Variants in HECTD4 observed in about 807,000 individuals in gnomAD.
The protein encoded by HECTD4 is probable E3 ubiquitin-protein ligase HECTD4.
Under a neutral mutation model 471.5 loss-of-function variants are expected in HECTD4, and 114 were observed. That is an observed-to-expected ratio of 0.24 (90% CI 0.21 to 0.28). The LOEUF (loss-of-function observed/expected upper bound fraction) is 0.28, where lower values mean the gene tolerates loss of function less well. Among genes scored for constraint, HECTD4 ranks in the 10% least tolerant of loss-of-function variants. The pLI, the probability that HECTD4 is intolerant of heterozygous loss-of-function variation, is 1.00. For missense variants in HECTD4, 3,866 were observed against 5,651.5 expected, an observed-to-expected ratio of 0.68 and a Z score of 10.13; for synonymous variants, 2,012 against 2,256.0, an observed-to-expected ratio of 0.89 and a Z score of 3.07.
At chr12:112,261,496 T>A (rs2034143626) in intron 17 of HECTD4, 67 bp from the exon 18 acceptor site, 2 of 1,401,710 alleles carry the variant, frequency 1.4e-6, no homozygotes, top group Non-Finnish European at 2.0e-6. Context: ...AATGACAACA[T>A]GAAATGATGT....
At chr12:112,267,542 C>T (rs1172488011) in intron 13 of HECTD4, 1 of 153,222 alleles carries the variant, frequency 6.5e-6, no homozygotes, top group Non-Finnish European at 1.5e-5. Flanking sequence ...CAATCACTTC[C>T]CTGATAAGTG....
intron 9 of HECTD4, among the ~76,000 whole-genome samples, chr12:112,278,925 C>T (rs2034580733): frequency 6.6e-6 from 1 of 152,142 alleles, no homozygotes; most frequent in Non-Finnish European, 1.5e-5. Flanking sequence ...GTGAGTAGAG[C>T]TCTTGCTGTA....
At chr12:112,217,304 C>T (rs2032946446) in intron 45 of HECTD4, 109 bp from the exon 46 acceptor site, 1 of 592,282 alleles carries the variant, frequency 1.7e-6, no homozygotes, top group Non-Finnish European at 2.7e-6. Context: ...TAGGCATACA[C>T]ACACACACAC....
At chr12:112,303,030 G>A (rs376467983) in intron 7 of HECTD4, among the ~76,000 whole-genome samples, 1 of 148,768 alleles carries the variant, frequency 6.7e-6, no homozygotes, top group African/African-American at 2.5e-5. Flanking sequence ...GAATTCTGTG[G>A]ACAGGGTTGA....
chr12:112,185,334 A>C lies in HECTD4; in HGVS notation c.9632T>G (p.Met3211Arg). ...GAGCTCCGACTGCAAGGCCATCAGC[A>C]TGGCCAGGCAGGGGTTCAGCTGGAG... ...IALQLNPCLA[M>R]LMALQSELHK... Residue 3211 changes from methionine to arginine, a missense_variant, in exon 61 of 76, where the codon ATG (methionine) becomes AGG (arginine). Coordinates refer to ENST00000682272, the MANE Select transcript of HECTD4 (RefSeq NM_001388303.1). The C allele has an allele frequency of 3.8e-6, 6 of 1,593,654 alleles. No individual in the cohort carries two copies. The highest frequency in any genetic ancestry group is 5.1e-6 in the Non-Finnish European group (6 of 1,170,222).
Position 112,175,867 on chromosome 12 carries a change from A to G in HECTD4, c.11471-8T>C, listed in dbSNP as rs761183233. On this transcript the variant is annotated splice_polypyrimidine_tract_variant and splice_region_variant and intron_variant, in intron 65 of 75. Transcript: ENST00000682272. ...GGTATTTTTCCTCAGGGACTGGTGG[A>G]AAGGGTTCAGTGTGAGGAATCTGGT... The G allele has an allele frequency of 1.9e-6, 3 of 1,613,024 alleles. No individual in the cohort carries two copies. In the South Asian group the frequency reaches 3.3e-5, roughly 18 times the overall value.
chr12:112,201,243 C>A (rs1566070282), intron 54 of HECTD4: 1 of 325,966 alleles, frequency 3.1e-6, no homozygotes, highest in East Asian at 1.0e-4. Flanking sequence ...AGGCACCCAC[C>A]ACTGTGCCCA....
Position 112,382,411 on chromosome 12 carries a change from C to T in HECTD4, c.-283G>A. The T allele has an allele frequency of 6.6e-6, 2 of 301,746 alleles. No homozygotes were observed. Among genetic ancestry groups the T allele is most frequent in the South Asian group, 6.7e-5 (1 of 15,030 alleles). 18.7% of individuals were successfully genotyped at this position (301,746 alleles called of 1,614,324 possible). On this transcript the variant is annotated 5_prime_UTR_variant, in exon 1 of 76. Coordinates refer to ENST00000682272, the MANE Select transcript of HECTD4 (RefSeq NM_001388303.1). The stretch of plus-strand genomic sequence containing the variant: ...GCTCGGCAACCAACTGTCAGTGAGA[C>T]GCCATGTTGGGGGCGGGGCTCCCGG...
intron 1 of HECTD4, among the ~76,000 whole-genome samples, chr12:112,366,255 C>G (rs751881110): frequency 2.4e-4 from 36 of 152,116 alleles, no homozygotes; most frequent in African/African-American, 8.0e-4. Flanking sequence ...CACATCTAAT[C>G]CCAGCACTTT....
intron 64 of HECTD4, 71 bp downstream of exon 64, chr12:112,178,860 A>G (rs956848273): frequency 6.7e-7 from 1 of 1,496,330 alleles, no homozygotes; most frequent in East Asian, 2.3e-5. Context: ...GCCGCCCCTC[A>G]GGCTCCTGCT....
At chr12:112,237,170 G>A (rs1331730590) in intron 34 of HECTD4, 72 bp from the exon 35 acceptor site, 6 of 1,367,038 alleles carry the variant, frequency 4.4e-6, no homozygotes, top group Admixed American at 2.4e-5. Flanking sequence ...TGAGGGGGCG[G>A]CGAGCCCTGT....
Position 112,319,079 on chromosome 12 carries a change from C to A in HECTD4, c.695+146G>T. 1 of 889,674 alleles carries A rather than the reference C, an allele frequency of 1.1e-6. No individual in the cohort carries two copies. The highest frequency in any genetic ancestry group is 1.7e-5 in the African/African-American group (1 of 59,360). The allele number at this position is 889,674 out of a possible 1,614,324, so 55.1% of individuals were successfully genotyped here. A position where few individuals can be genotyped will look rare whatever the true frequency, so the allele number is the denominator to read the frequency against. Reference sequence around the variant, plus strand: ...TTGGTGAAAGCATCTCATGCACTGTCAAGGCTGTGAAATTCAATACTGAAA... The same window carrying A: ...TTGGTGAAAGCATCTCATGCACTGTAAAGGCTGTGAAATTCAATACTGAAA... On this transcript the variant is annotated intron_variant, in intron 2 of 75. Coordinates refer to ENST00000682272, the MANE Select transcript of HECTD4 (RefSeq NM_001388303.1). This position sits in a 1 kb window ranked among gnomAD's most constrained non-coding sequence, Gnocchi z 5.3.
rs374450651 is a variant in HECTD4, at chr12:112,222,820, C to T, written c.6971-3331G>A. Among the ~76,000 whole-genome samples, 10 of 152,108 alleles carry T rather than the reference C, an allele frequency of 6.6e-5. No individual in the cohort carries two copies. The South Asian group carries it at 1.0e-3, about 16-fold the overall frequency. ...CTGCACTCCAGCCTGGGTGACAGAGCGAAACCCTGTCTCAAAAAACAAAAA... is the reference window on the plus strand; with the variant it reads ...CTGCACTCCAGCCTGGGTGACAGAGTGAAACCCTGTCTCAAAAAACAAAAA... On this transcript the variant is annotated intron_variant, in intron 44 of 75. Transcript: ENST00000682272.
chr12:112,300,013 C>T (rs1294854670), intron 7 of HECTD4, among the ~76,000 whole-genome samples: 1 of 152,052 alleles, frequency 6.6e-6, no homozygotes, highest in South Asian at 2.1e-4. Flanking sequence ...GGACACTGAA[C>T]TATTAAAAAG....
chr12:112,327,495 G>A (rs2135711635), intron 1 of HECTD4, among the ~76,000 whole-genome samples: 1 of 152,200 alleles, frequency 6.6e-6, no homozygotes, highest in East Asian at 1.9e-4. Flanking sequence ...TTAGGAGTCT[G>A]TAAAACACAC....
chr12:112,167,649 A>T (rs889095179), intron 71 of HECTD4, 111 bp from the exon 72 acceptor site: 37 of 1,044,598 alleles, frequency 3.5e-5, no homozygotes, highest in Non-Finnish European at 5.2e-5. Context: ...AAGTCACTGC[A>T]AGCTCCCAGA....
Position 112,231,618 on chromosome 12 carries a change from G to A in HECTD4, c.6095C>T (p.Pro2032Leu). The A allele has an allele frequency of 6.2e-7, 1 of 1,613,982 alleles. No individual in the cohort carries two copies. The highest frequency in any genetic ancestry group is 8.5e-7 in the Non-Finnish European group (1 of 1,179,882). The change falls in exon 39 of 76, where the codon CCT becomes CTT. Residue 2032 changes from proline to leucine, a missense_variant. By Grantham distance (98) the Pro-to-Leu change is moderately conservative. Around this residue, in one of 16 missense-constraint regions of HECTD4, gnomAD observed 617 missense variants for 915.1 expected, o/e 0.67. Coordinates refer to ENST00000682272, the MANE Select transcript of HECTD4 (RefSeq NM_001388303.1). The part of the protein sequence containing the change: ...QSGLIVSIGP[P>L]VESINPETVS... ...AGTCTCTGGGTTGATAGACTCTACA[G>A]GTGGCCCAATGCTGACGATGAGGCC...
At position 112,382,157 on chromosome 12, in the gene HECTD4, A is replaced by T. The variant is rs1280459240; in HGVS notation, c.-29T>A. ...CCCGGCTGAAGGCTTGGCGCTGAGG[A>T]GCAGACGCCCGGCCGGGGGAAACGG... On this transcript the variant is annotated 5_prime_UTR_variant, in exon 1 of 76. Coordinates refer to ENST00000682272, the MANE Select transcript of HECTD4 (RefSeq NM_001388303.1). The T allele has an allele frequency of 8.2e-7, 1 of 1,213,204 alleles. No individual in the cohort carries two copies. The highest frequency in any genetic ancestry group is 4.4e-5 in the Admixed American group (1 of 22,738). The allele number at this position is 1,213,204 out of a possible 1,614,324, so 75.2% of individuals were successfully genotyped here.
rs11066198 is a variant in HECTD4, at chr12:112,222,788, C to A, written c.6971-3299G>T. 0.049 allele frequency among the ~76,000 whole-genome samples: 7,444 copies of A among 152,176 alleles called. 1,173 individuals are homozygous for A. In the East Asian group the frequency reaches 0.59, roughly 12 times the overall value. ...GGTTGTGGCTGCAGTGAGCCTTGAT[C>A]GCAACACTGCACTCCAGCCTGGGTG... On this transcript the variant is annotated intron_variant, in intron 44 of 75. Coordinates refer to ENST00000682272, the MANE Select transcript of HECTD4 (RefSeq NM_001388303.1).
Sources: gnomAD v4.1 joint callset for allele counts (sites outside exome capture counted in the v4.1 genomes callset) on GRCh38, gnomAD v4.1.1 for gene constraint, gnomAD v4.1.1 regional missense constraint, Gnocchi (gnomAD v3.1) non-coding constraint, MANE v1.5 for transcripts, NCBI Gene and HGNC (gene_info 2026-07-23, HGNC 2026-07-21) for gene names.